SPATA6L: variants seen among roughly 807,000 people sequenced by gnomAD.
SPATA6L encodes the protein spermatogenesis associated 6 like, also known as spermatogenesis associated 6-like protein.
In SPATA6L, 68 loss-of-function variants were observed where a neutral mutation model predicts 49.2. That is an observed-to-expected ratio of 1.38 (90% confidence interval 1.14 to 1.69). The LOEUF (loss-of-function observed/expected upper bound fraction) is 1.69. Among genes scored for constraint, SPATA6L ranks in the 40% most tolerant of loss-of-function variants. The probability of loss-of-function intolerance (pLI) is 0.00; values close to 1 mark genes in which losing one functional copy is unlikely to be tolerated. For missense variants in SPATA6L, 668 were observed against 464.3 expected (o/e 1.44, Z -4.03); for synonymous variants, 198 against 165.7 (o/e 1.19, Z -1.50).
chr9:4,596,991 G>A (rs1348458609), downstream of SPATA6L, among the ~76,000 whole-genome samples: 1 of 152,174 alleles, frequency 6.6e-6, no homozygotes, highest in Non-Finnish European at 1.5e-5. Flanking sequence ...TGCTCATTTT[G>A]TGCCAGGCAC....
intron 4 of SPATA6L, among the ~76,000 whole-genome samples, chr9:4,630,221 C>T (rs73393811): frequency 0.21 from 31,434 of 151,956 alleles, 4,656 homozygotes; most frequent in East Asian, 0.4. Context: ...CTGCTCGTAG[C>T]AGTGGTTTTA....
chr9:4,661,542 G>GT (rs1393076755), intron 2 of SPATA6L, among the ~76,000 whole-genome samples: 1 of 151,802 alleles, frequency 6.6e-6, no homozygotes, highest in African/African-American at 2.4e-5. Flanking sequence ...GTCTAACACA[G>GT]TTTTTTCTAA....
rs201113086 is a variant in SPATA6L at position 4,611,476 on chromosome 9, T to G, written c.996-6036A>C. Among the ~76,000 whole-genome samples the G allele has an allele frequency of 3.4e-5, 5 of 149,198 alleles. 1 individual carries two copies. Among genetic ancestry groups the G allele is most frequent in the African/African-American group, 5.2e-5 (2 of 38,654 alleles). On this transcript the variant is annotated intron_variant, in intron 9 of 11. Transcript: ENST00000682582. ...CGGAATACTATGCAGCCATAAAAAATGATGAGTTCATGTCCTTTGTAGGGA... is the reference window on the plus strand; with the variant it reads ...CGGAATACTATGCAGCCATAAAAAAGGATGAGTTCATGTCCTTTGTAGGGA...
At chr9:4,588,831 C>T (rs547292703) in exon 14 of SPATA6L, 1 of 152,128 alleles carries the variant, frequency 6.6e-6, no homozygotes, top group Non-Finnish European at 1.5e-5. Flanking sequence ...TTTTTTAGTC[C>T]AGTGGGTACA....
In SPATA6L at chr9:4,661,659, T is replaced by C. The variant is rs574961518; in HGVS notation, c.177+240A>G. Among the ~76,000 whole-genome samples, 25 of 152,158 alleles carry C rather than the reference T, an allele frequency of 1.6e-4. No homozygotes were observed. In the South Asian group the frequency reaches 5.0e-3, roughly 30 times the overall value. On this transcript the variant is annotated intron_variant, in intron 2 of 11. Transcript: ENST00000682582. ...CTTTGCTCCAGTTAAAAAAATGCCA[T>C]GGGAGTTCCAAGAATAGGAAACATC...
In SPATA6L at chr9:4,653,327, C is replaced by G. The variant is rs1295752064; in HGVS notation, c.226+2714G>C. Among the ~76,000 whole-genome samples the G allele has an allele frequency of 2.0e-5, 3 of 152,114 alleles. No individual in the cohort carries two copies. In the East Asian group the frequency reaches 5.8e-4, roughly 29 times the overall value. ...CCATATGCAAAAGAATGAAGTTGGT[C>G]CCCAACATCACACTGTCTACAAAAA... On this transcript the variant is annotated intron_variant, in intron 3 of 11. Transcript: ENST00000682582.
At chr9:4,607,081 G>T (rs979368405) in intron 9 of SPATA6L, among the ~76,000 whole-genome samples, 1 of 151,556 alleles carries the variant, frequency 6.6e-6, no homozygotes, top group African/African-American at 2.4e-5. Flanking sequence ...AAGCGAGAAG[G>T]GAAGTTTAGA....
At chr9:4,651,749 C>T (rs1440001260) in intron 3 of SPATA6L, among the ~76,000 whole-genome samples, 1 of 152,178 alleles carries the variant, frequency 6.6e-6, no homozygotes, top group African/African-American at 2.4e-5. Context: ...TAAAATTCAA[C>T]ATTACTTCAT....
At chr9:4,635,245 T>C (rs1290458378) in intron 4 of SPATA6L, 30 bp downstream of exon 4, 10 of 1,488,144 alleles carry the variant, frequency 6.7e-6, no homozygotes, top group African/African-American at 1.5e-5. Context: ...TCTCTCCTAA[T>C]AGAAGCCCAG....
At chr9:4,632,693 G>A (rs1831881860) in intron 4 of SPATA6L, among the ~76,000 whole-genome samples, 1 of 152,048 alleles carries the variant, frequency 6.6e-6, no homozygotes, top group Non-Finnish European at 1.5e-5. Flanking sequence ...AGGGACATTG[G>A]TTAAGAGCTG....
rs905629115 is a variant in SPATA6L at position 4,632,034 on chromosome 9, C to CTTTT, written c.352-2870_352-2867dup. ...GTGAGCACACAGTGAACATCAGCTA[C>CTTTT]TTTTTTTTTTTTTTTTTTTTTTTGA... On this transcript the variant is annotated intron_variant, in intron 4 of 11. Transcript: ENST00000682582. Among the ~76,000 whole-genome samples, 170 of 112,998 alleles carry CTTTT rather than the reference C, an allele frequency of 1.5e-3. 1 individual carries two copies. The highest frequency in any genetic ancestry group is 3.7e-3 in the East Asian group (13 of 3,524). 74.1% of individuals were successfully genotyped at this position (112,998 alleles called of 152,430 possible). A position where few individuals can be genotyped will look rare whatever the true frequency, so the allele number is the denominator to read the frequency against.
In SPATA6L at chr9:4,662,281, C is replaced by T; in HGVS notation, c.40-245G>A. 1 of 1,435,012 alleles carries T rather than the reference C, an allele frequency of 7.0e-7. No individual in the cohort carries two copies. The highest frequency in any genetic ancestry group is 2.6e-4 in the Middle Eastern group (1 of 3,878). 88.9% of individuals were successfully genotyped at this position (1,435,012 alleles called of 1,614,324 possible). ...GCTCTCGCCGGCTCCTCTCCCCGCCCCTCCGGGATGGTAGTGCGGAAGCGG... is the reference window on the plus strand; with the variant it reads ...GCTCTCGCCGGCTCCTCTCCCCGCCTCTCCGGGATGGTAGTGCGGAAGCGG... On this transcript the variant is annotated intron_variant, in intron 1 of 11. Coordinates refer to ENST00000682582, the MANE Select transcript of SPATA6L (RefSeq NM_001353486.2). The surrounding 1 kb of genome is among the most constrained non-coding windows in gnomAD (Gnocchi z 4.9).
intron 3 of SPATA6L, among the ~76,000 whole-genome samples, chr9:4,636,463 C>T (rs1832830913): frequency 6.6e-6 from 1 of 152,138 alleles, no homozygotes; most frequent in African/African-American, 2.4e-5. Flanking sequence ...TGAACAATTA[C>T]TGAGCCGAAG....
At chr9:4,609,033 C>G (rs1586999737) in intron 9 of SPATA6L, among the ~76,000 whole-genome samples, 1 of 151,150 alleles carries the variant, frequency 6.6e-6, no homozygotes, top group East Asian at 1.9e-4. Context: ...CGCAAATAAA[C>G]TACAAAATCT....
intron 9 of SPATA6L, among the ~76,000 whole-genome samples, chr9:4,610,300 A>G (rs996344078): frequency 4.7e-5 from 7 of 149,244 alleles, no homozygotes; most frequent in African/African-American, 1.7e-4. Flanking sequence ...AAACTACTTT[A>G]AAGTTCATAT....
chr9:4,611,683 G>A (rs1274868509), intron 9 of SPATA6L, among the ~76,000 whole-genome samples: 1 of 150,360 alleles, frequency 6.7e-6, no homozygotes, highest in Non-Finnish European at 1.5e-5. Flanking sequence ...AGCAGTGGGA[G>A]ATACACCTAA....
intron 7 of SPATA6L, 136 bp from the exon 8 acceptor site, chr9:4,619,034 G>A: frequency 1.4e-6 from 1 of 721,842 alleles, no homozygotes; most frequent in Non-Finnish European, 2.3e-6. Flanking sequence ...ATGCTCCCTT[G>A]TAAGTTACAC....
intron 2 of SPATA6L, among the ~76,000 whole-genome samples, chr9:4,661,069 A>G (rs932114789): frequency 5.3e-5 from 8 of 152,208 alleles, no homozygotes; most frequent in South Asian, 2.1e-4. Flanking sequence ...CAGCACACCA[A>G]CATGGCACAT....
chr9:4,612,570 T>C (rs899314340), intron 9 of SPATA6L, among the ~76,000 whole-genome samples: 3 of 152,224 alleles, frequency 2.0e-5, no homozygotes, highest in African/African-American at 7.2e-5. Context: ...TGCTCTGTTA[T>C]ACGGACTTGC....
Sources: allele counts gnomAD v4.1 joint callset (sites outside exome capture counted in the v4.1 genomes callset), GRCh38; gene constraint gnomAD v4.1.1; non-coding constraint Gnocchi (gnomAD v3.1); transcripts MANE v1.5; gene names NCBI Gene and HGNC (gene_info 2026-07-23, HGNC 2026-07-21).